Variants in LRP1 observed in about 807,000 individuals in gnomAD.
The protein encoded by LRP1 is prolow-density lipoprotein receptor-related protein 1.
Under a neutral mutation model 541.5 loss-of-function variants are expected in LRP1, and 51 were observed. The observed-to-expected ratio is 0.09, with a 90% CI of 0.08 to 0.12. LRP1 has a LOEUF of 0.12. LRP1 is among the 10% of genes least tolerant of loss of function. The probability of loss-of-function intolerance (pLI) is 1.00; values close to 1 mark genes in which losing one functional copy is unlikely to be tolerated. For missense variants in LRP1, 3,878 were observed against 6,376.2 expected (o/e 0.61, Z 13.34); for synonymous variants, 2,219 against 2,470.8 (o/e 0.90, Z 3.02).
rs1253664106 is a variant in LRP1, at chr12:57,211,028, GC to G, written c.12917-147del. 1.5e-6 allele frequency: 2 copies of G among 1,364,418 alleles called. No homozygotes were observed. The highest frequency in any genetic ancestry group is 2.9e-5 in the African/African-American group (2 of 69,568). The allele number at this position is 1,364,418 out of a possible 1,614,324, so 84.5% of individuals were successfully genotyped here. A position where few individuals can be genotyped will look rare whatever the true frequency, so the allele number is the denominator to read the frequency against. ...CAGCTGAGCCAGGCCCAAGCTGCTG[GC>G]GCTTCCCCACAAAGGTGCTGGCACA... On this transcript the variant is annotated intron_variant, in intron 83 of 88. Transcript: ENST00000243077. This position sits in a 1 kb window ranked among gnomAD's most constrained non-coding sequence, Gnocchi z 4.3.
In LRP1 at chr12:57,199,870, C is replaced by G. The variant is rs781271528; in HGVS notation, c.9866-7C>G. The G allele has an allele frequency of 6.3e-7, 1 of 1,579,526 alleles. No homozygotes were observed. On this transcript the variant is annotated splice_region_variant and splice_polypyrimidine_tract_variant and intron_variant, in intron 61 of 88. Transcript: ENST00000243077. ...GTCACCATATTTCACGACGTTTTCTCTGGCAGTGCCCAATCACCCCTGCAA... is the reference window on the plus strand; with the variant it reads ...GTCACCATATTTCACGACGTTTTCTGTGGCAGTGCCCAATCACCCCTGCAA...
intron 2 of LRP1, among the ~76,000 whole-genome samples, chr12:57,139,219 G>T (rs188062033): frequency 6.6e-6 from 1 of 152,098 alleles, no homozygotes; most frequent in Non-Finnish European, 1.5e-5. Context: ...TCCCCTGCTT[G>T]GTTAATCTGG....
rs773955803 is a variant in LRP1, at chr12:57,199,356, G to A, written c.9821G>A (p.Arg3274Gln). The A allele has an allele frequency of 1.2e-6, 2 of 1,612,670 alleles. No individual in the cohort carries two copies. Among genetic ancestry groups the A allele is most frequent in the Non-Finnish European group, 1.7e-6 (2 of 1,179,816 alleles). Residue 3274 changes from arginine (R) to glutamine (Q), a missense_variant, in exon 61 of 89, where the codon CGG becomes CAG. Arg to Gln is a conservative substitution (Grantham distance 43). Around this residue, in one of 13 missense-constraint regions of LRP1, gnomAD observed 1,100 missense variants for 1,827.4 expected, o/e 0.60. Coordinates refer to ENST00000243077, the MANE Select transcript of LRP1 (RefSeq NM_002332.3). The part of the protein sequence containing the change: ...NKTLLISTLH[R>Q]PMDLHVFHAL... ...ACGCTCCTCATCAGCACGCTGCACC[G>A]GCCCATGGACCTGCATGTCTTCCAT...
At chr12:57,209,583 G>A in intron 79 of LRP1, 109 bp from the exon 80 acceptor site, 1 of 902,432 alleles carries the variant, frequency 1.1e-6, no homozygotes, top group Admixed American at 1.9e-5. Flanking sequence ...ATTTGGTCTG[G>A]ATGTGTTGAG....
Position 57,204,692 on chromosome 12 carries a change from G to C in LRP1, c.11137G>C (p.Gly3713Arg), listed in dbSNP as rs143327344. The C allele has an allele frequency of 6.2e-7, 1 of 1,613,924 alleles. No individual in the cohort carries two copies. Among genetic ancestry groups the C allele is most frequent in the African/African-American group, 1.3e-5 (1 of 74,924 alleles). Reference sequence around the variant, plus strand: ...GAATGACCGCGTCTGTCTGTGGATCGGGCGCCAATGCGATGGCACGGACAA... The same window carrying C: ...GAATGACCGCGTCTGTCTGTGGATCCGGCGCCAATGCGATGGCACGGACAA... ...CKNDRVCLWIGRQCDGTDNCG... is the reference protein window; with the variant it reads ...CKNDRVCLWIRRQCDGTDNCG... Residue 3713 changes from glycine to arginine, a missense_variant, in exon 72 of 89, where the codon GGG becomes CGG. This residue lies in a region of LRP1 where 871 missense variants were observed against 1,212.4 expected (regional missense o/e 0.72). Coordinates refer to ENST00000243077, the MANE Select transcript of LRP1 (RefSeq NM_002332.3). This position sits in a 1 kb window ranked among gnomAD's most constrained non-coding sequence, Gnocchi z 5.3.
chr12:57,161,152 G>A (rs2035725265), intron 13 of LRP1, 37 bp downstream of exon 13: 3 of 1,595,952 alleles, frequency 1.9e-6, no homozygotes, highest in East Asian at 2.2e-5. Flanking sequence ...GAATCTGTGT[G>A]TGTTGCTAGA....
chr12:57,183,614 G>GGT lies in LRP1; in HGVS notation c.5794+106_5794+107dup. 2.0e-6 allele frequency: 3 copies of GGT among 1,507,856 alleles called. No individual in the cohort carries two copies. The highest frequency in any genetic ancestry group is 2.7e-6 in the Non-Finnish European group (3 of 1,119,368). 93.4% of individuals were successfully genotyped at this position (1,507,856 alleles called of 1,614,324 possible). On this transcript the variant is annotated intron_variant, in intron 35 of 88. Coordinates refer to ENST00000243077, the MANE Select transcript of LRP1 (RefSeq NM_002332.3). This position sits in a 1 kb window ranked among gnomAD's most constrained non-coding sequence, Gnocchi z 6.1. ...TGAGAGGCTGCCTGAATTGGCCTGA[G>GGT]GTGGGGCACTTGCTACAGCTGCCAC...
chr12:57,155,053 G>T, intron 8 of LRP1: 1 of 536,768 alleles, frequency 1.9e-6, no homozygotes, highest in South Asian at 2.5e-5. Context: ...TGTTTACAAA[G>T]CCGGGTGATA....
chr12:57,198,430 G>A, intron 59 of LRP1, 35 bp from the exon 60 acceptor site: 2 of 1,609,160 alleles, frequency 1.2e-6, no homozygotes, highest in South Asian at 1.1e-5. Context: ...ATGGGTTACG[G>A]GATCTCCCAG....
intron 20 of LRP1, among the ~76,000 whole-genome samples, chr12:57,172,279 C>T (rs1015007829): frequency 6.6e-5 from 10 of 152,110 alleles, no homozygotes; most frequent in Non-Finnish European, 1.5e-4. Flanking sequence ...ACGCCATTCT[C>T]CTGCCTCAGC....
At chr12:57,190,077 G>A (rs1326218592) in intron 42 of LRP1, among the ~76,000 whole-genome samples, 2 of 152,182 alleles carry the variant, frequency 1.3e-5, no homozygotes, top group Non-Finnish European at 2.9e-5. Context: ...GCTCAGAGGG[G>A]CGACAGGCTC....
chr12:57,130,316 T>G (rs35140931), intron 1 of LRP1, among the ~76,000 whole-genome samples: 10,627 of 152,152 alleles, frequency 0.07, 499 homozygotes, highest in Non-Finnish European at 0.097. Context: ...TCTCCCTAAC[T>G]TGCTTCAATT....
intron 78 of LRP1, 56 bp from the exon 79 acceptor site, chr12:57,209,027 C>T (rs533546660): frequency 1.4e-6 from 2 of 1,441,750 alleles, no homozygotes; most frequent in South Asian, 2.3e-5. Flanking sequence ...CAGTTCTTTC[C>T]ACCCCGAGCC....
chr12:57,147,504 TC>T (rs2035436786), intron 6 of LRP1: 1 of 152,246 alleles, frequency 6.6e-6, no homozygotes, highest in Non-Finnish European at 1.5e-5. Context: ...GCTGCAGCTT[TC>T]CCCTGCTTTC....
In LRP1 at chr12:57,195,517, G is replaced by T. The variant is rs567088722; in HGVS notation, c.8437+118G>T. The stretch of plus-strand genomic sequence containing the variant: ...CTCAGCGGGGTCCACTGGGGGCGGA[G>T]CCATAGCTGTAGCCCAGGTGTCCAG... On this transcript the variant is annotated intron_variant, in intron 52 of 88. Transcript: ENST00000243077. 85 of 1,568,508 alleles carry T rather than the reference G, an allele frequency of 5.4e-5. No individual in the cohort carries two copies. In the African/African-American group the frequency reaches 1.0e-3, roughly 19 times the overall value.
Position 57,191,020 on chromosome 12 carries a change from G to A in LRP1, c.7236+11G>A, listed in dbSNP as rs960286668. The A allele has an allele frequency of 3.7e-6, 6 of 1,606,972 alleles. No homozygotes were observed. The highest frequency in any genetic ancestry group is 1.7e-4 in the Middle Eastern group (1 of 6,022). On this transcript the variant is annotated intron_variant, in intron 43 of 88. Coordinates refer to ENST00000243077, the MANE Select transcript of LRP1 (RefSeq NM_002332.3). ...GGCTCCCACCGCTATGTGAGTCTGC[G>A]GGGTGGGTGAGCTGGCGGGCGGCTG...
In LRP1 at chr12:57,162,288, C is replaced by T. The variant is rs1227640305; in HGVS notation, c.2203-29C>T. 6.3e-7 allele frequency: 1 copy of T among 1,596,320 alleles called. No individual in the cohort carries two copies. Among genetic ancestry groups the T allele is most frequent in the African/African-American group, 1.3e-5 (1 of 74,696 alleles). ...CAGGCCTCCCTCAATTTTCTTCCAACTCCTTAGTAACATCCTCTCCATCCC... is the reference window on the plus strand; with the variant it reads ...CAGGCCTCCCTCAATTTTCTTCCAATTCCTTAGTAACATCCTCTCCATCCC... On this transcript the variant is annotated intron_variant, in intron 13 of 88. Coordinates refer to ENST00000243077, the MANE Select transcript of LRP1 (RefSeq NM_002332.3). The surrounding 1 kb of genome is among the most constrained non-coding windows in gnomAD (Gnocchi z 5.2).
rs767671426 is a variant in LRP1 at position 57,197,650 on chromosome 12, G to A, written c.9268G>A (p.Gly3090Arg). The A allele has an allele frequency of 4.3e-6, 7 of 1,613,766 alleles. No homozygotes were observed. Among genetic ancestry groups the A allele is most frequent in the African/African-American group, 1.3e-5 (1 of 74,860 alleles). Residue 3090 changes from glycine (G) to arginine (R), a missense_variant, in exon 58 of 89, where the codon GGG becomes AGG. Physicochemically the swap from Gly to Arg is moderately radical, Grantham distance 125. Transcript: ENST00000243077. The surrounding 1 kb of genome is among the most constrained non-coding windows in gnomAD (Gnocchi z 4.5). ...GSMIRRMHLN[G>R]SNVQVLHRTG... ...CATGATCCGAAGGATGCACCTTAAC[G>A]GGAGCAATGTGCAGGTGAGGCGGGC...
rs536710027 is a variant in LRP1, at chr12:57,193,057, C to T, written c.7555+87C>T. The stretch of plus-strand genomic sequence containing the variant: ...ATCTCCCCTACATGCTCCAGCCCAG[C>T]CCCCCAAAGCCTTTTGCCAAGAAGA... On this transcript the variant is annotated intron_variant, in intron 45 of 88. Coordinates refer to ENST00000243077, the MANE Select transcript of LRP1 (RefSeq NM_002332.3). 6.3e-6 allele frequency: 10 copies of T among 1,579,822 alleles called. No individual in the cohort carries two copies. In the East Asian group the frequency reaches 1.1e-4, roughly 18 times the overall value.
Sources: allele counts gnomAD v4.1 joint callset (sites outside exome capture counted in the v4.1 genomes callset), GRCh38; gene constraint gnomAD v4.1.1; regional missense constraint gnomAD v4.1.1; non-coding constraint Gnocchi (gnomAD v3.1); transcripts MANE v1.5; gene names NCBI Gene and HGNC (gene_info 2026-07-23, HGNC 2026-07-21).